Variants in USP46 observed in about 807,000 individuals in gnomAD.
USP46 encodes the protein ubiquitin specific peptidase 46.
Under a neutral mutation model 44.4 loss-of-function variants are expected in USP46, and 12 were observed. The observed-to-expected ratio is 0.27, with a 90% CI of 0.17 to 0.44. USP46 has a LOEUF of 0.44. USP46 is among the 20% of genes least tolerant of loss of function. The pLI, the probability that USP46 is intolerant of heterozygous loss-of-function variation, is 1.00. For synonymous variants in USP46, 155 were observed against 161.5 expected, an observed-to-expected ratio of 0.96 and a Z score of 0.31; for missense variants, 248 against 444.8, an observed-to-expected ratio of 0.56 and a Z score of 3.98.
chr4:52,656,666 C>G, intron 1 of USP46: 2 of 825,814 alleles, frequency 2.4e-6, no homozygotes, highest in Non-Finnish European at 3.0e-6. Context: ...AGTAATACAA[C>G]AATATTAACA....
chr4:52,629,693 GGGAA>G (rs1331219336), intron 2 of USP46: 1 of 456,138 alleles, frequency 2.2e-6, no homozygotes, highest in African/African-American at 2.0e-5. Flanking sequence ...CTCCTGGGAA[GGGAA>G]AGGAACGAAC....
Position 52,596,820 on chromosome 4 carries a change from G to C in USP46, c.*820C>G, listed in dbSNP as rs1716262148. The C allele has an allele frequency of 6.6e-6, 1 of 152,590 alleles. No individual in the cohort carries two copies. The highest frequency in any genetic ancestry group is 2.4e-5 in the African/African-American group (1 of 41,418). 9.5% of individuals were successfully genotyped at this position (152,590 alleles called of 1,614,324 possible). On this transcript the variant is annotated 3_prime_UTR_variant, in exon 9 of 9. Coordinates refer to ENST00000441222, the MANE Select transcript of USP46 (RefSeq NM_022832.4). ...TACCTTGAAAAGCTTAGCAGTGCCG[G>C]ATACAGGATAAATACAACTCACAGG...
rs1040928478 is a variant in USP46 at position 52,593,566 on chromosome 4, G to A, written c.*4074C>T. ...ACAGGGAAAAGCAGCCCTACCCATA[G>A]TTACTGTAGGCTTCACTGAGGCCAC... is the stretch of plus-strand genomic sequence containing the variant. On this transcript the variant is annotated 3_prime_UTR_variant, in exon 9 of 9. Coordinates refer to ENST00000441222, the MANE Select transcript of USP46 (RefSeq NM_022832.4). 5 of 152,276 alleles carry A rather than the reference G, an allele frequency of 3.3e-5. No homozygotes were observed. The highest frequency in any genetic ancestry group is 6.5e-5 in the Admixed American group (1 of 15,294). The allele number at this position is 152,276 out of a possible 1,614,324, so 9.4% of individuals were successfully genotyped here. A position where few individuals can be genotyped will look rare whatever the true frequency, so the allele number is the denominator to read the frequency against.
At chr4:52,627,247 TAA>T (rs544919670) in intron 3 of USP46, among the ~76,000 whole-genome samples, 37 of 152,126 alleles carry the variant, frequency 2.4e-4, no homozygotes, top group Non-Finnish European at 3.8e-4. Context: ...GCAATCAAAT[TAA>T]AAGAGACTTT....
intron 4 of USP46, among the ~76,000 whole-genome samples, chr4:52,617,848 G>T (rs1717221159): frequency 6.6e-6 from 1 of 152,028 alleles, no homozygotes; most frequent in African/African-American, 2.4e-5. Context: ...TGTCTCCAAG[G>T]AAACATCTAT....
rs904556515 is a variant in USP46, at chr4:52,634,214, A to C, written c.37-3070T>G. Among the ~76,000 whole-genome samples the C allele has an allele frequency of 2.0e-5, 3 of 151,068 alleles. No individual in the cohort carries two copies. In the South Asian group the frequency reaches 6.3e-4, roughly 32 times the overall value. ...CTGCAACCTCTACCCCCTGGGTTCA[A>C]ACAATTCTCCTGGGCCAGGCATGGT... On this transcript the variant is annotated intron_variant, in intron 1 of 8. Coordinates refer to ENST00000441222, the MANE Select transcript of USP46 (RefSeq NM_022832.4).
chr4:52,619,775 A>G (rs1045900427), intron 4 of USP46, among the ~76,000 whole-genome samples: 13 of 152,216 alleles, frequency 8.5e-5, no homozygotes, highest in Non-Finnish European at 1.5e-4. Context: ...CTGTTGACCA[A>G]CTGGCTAGGA....
At chr4:52,622,933 G>A (rs1717434155) in intron 4 of USP46, among the ~76,000 whole-genome samples, 1 of 152,224 alleles carries the variant, frequency 6.6e-6, no homozygotes, top group Non-Finnish European at 1.5e-5. Flanking sequence ...TGCAGAGACA[G>A]ACAGAGCCAG....
At chr4:52,634,107 C>T (rs923051235) in intron 1 of USP46, among the ~76,000 whole-genome samples, 4 of 151,844 alleles carry the variant, frequency 2.6e-5, no homozygotes, top group South Asian at 2.1e-4. Context: ...AAAACATTTT[C>T]GTGTCTTTTT....
In USP46 at chr4:52,613,685, G is replaced by A. The variant is rs1577668220; in HGVS notation, c.562-3068C>T. On this transcript the variant is annotated intron_variant, in intron 4 of 8. Transcript: ENST00000441222. Reference sequence around the variant, plus strand: ...TGCAGTAAGCCGAGATCTCGCCACTGCACTCTAGCCTGGGTGACAGAGCAA... The same window carrying A: ...TGCAGTAAGCCGAGATCTCGCCACTACACTCTAGCCTGGGTGACAGAGCAA... Among the ~76,000 whole-genome samples the A allele has an allele frequency of 2.7e-5, 4 of 148,234 alleles. No individual in the cohort carries two copies. The South Asian group carries it at 8.5e-4, about 32-fold the overall frequency.
intron 1 of USP46, among the ~76,000 whole-genome samples, chr4:52,654,259 T>C (rs1163878403): frequency 6.6e-6 from 1 of 152,206 alleles, no homozygotes; most frequent in African/African-American, 2.4e-5. Flanking sequence ...ACTTTACACC[T>C]AGCTGATATA....
intron 6 of USP46, 73 bp from the exon 7 acceptor site, chr4:52,602,127 A>G (rs1236230472): frequency 6.7e-7 from 1 of 1,497,024 alleles, no homozygotes; most frequent in Non-Finnish European, 9.0e-7. Context: ...TGTCATCTGC[A>G]CAAACAGAAT....
intron 1 of USP46, chr4:52,656,296 C>T (rs1457203182): frequency 6.4e-7 from 1 of 1,551,436 alleles, no homozygotes; most frequent in Admixed American, 2.0e-5. Context: ...AGACACCTAC[C>T]TGAAAACAAT....
At chr4:52,617,581 T>C (rs902596519) in intron 4 of USP46, among the ~76,000 whole-genome samples, 1 of 152,194 alleles carries the variant, frequency 6.6e-6, no homozygotes, top group East Asian at 1.9e-4. Flanking sequence ...TATCAAAACA[T>C]GGCGCAAAAG....
intron 4 of USP46, among the ~76,000 whole-genome samples, chr4:52,611,636 C>T (rs548293204): frequency 6.3e-4 from 96 of 152,242 alleles, no homozygotes; most frequent in Non-Finnish European, 1.0e-3. Context: ...CCTGTAATCA[C>T]GGCTCTTTGG....
rs1000443652 is a variant in USP46 at position 52,591,058 on chromosome 4, T to G, written c.*6582A>C. On this transcript the variant is annotated 3_prime_UTR_variant, in exon 9 of 9. Coordinates refer to ENST00000441222, the MANE Select transcript of USP46 (RefSeq NM_022832.4). ...TTTATAACCCATTAAAACAGTATCT[T>G]TCTAATCCCCTCAGAGTGGAAAACA... 2.6e-5 allele frequency: 4 copies of G among 152,196 alleles called. No individual in the cohort carries two copies. The highest frequency in any genetic ancestry group is 9.7e-5 in the African/African-American group (4 of 41,446). The allele number at this position is 152,196 out of a possible 1,614,324, so 9.4% of individuals were successfully genotyped here.
intron 4 of USP46, 104 bp from the exon 5 acceptor site, chr4:52,610,721 A>C (rs1201265758): frequency 1.4e-5 from 15 of 1,082,234 alleles, no homozygotes; most frequent in Non-Finnish European, 2.1e-5. Flanking sequence ...CCATAACTGC[A>C]GTTAAAGTCC....
intron 1 of USP46, among the ~76,000 whole-genome samples, chr4:52,657,875 G>A (rs1378692633): frequency 1.3e-5 from 2 of 152,226 alleles, no homozygotes; most frequent in East Asian, 3.9e-4. Context: ...CCACCCCTGA[G>A]CTAACACAAG....
At chr4:52,629,619 TACTC>T (rs1161793885) in intron 2 of USP46, 4 of 456,186 alleles carry the variant, frequency 8.8e-6, no homozygotes, top group African/African-American at 8.0e-5. Flanking sequence ...TTTCCTCTCT[TACTC>T]AGTATCTCAC....
Sources: gnomAD v4.1 joint callset for allele counts (sites outside exome capture counted in the v4.1 genomes callset) on GRCh38, gnomAD v4.1.1 for gene constraint, MANE v1.5 for transcripts, NCBI Gene and HGNC (gene_info 2026-07-23, HGNC 2026-07-21) for gene names.